The following TUSC3 variants were observed in gnomAD, a reference collection of about 807,000 sequenced individuals.
The protein encoded by TUSC3 is tumor suppressor candidate 3.
Under a neutral mutation model 44.8 loss-of-function variants are expected in TUSC3, and 45 were observed. That is an observed-to-expected ratio of 1.00 (90% CI 0.79 to 1.29). TUSC3 has a LOEUF of 1.29. Among genes scored for constraint, TUSC3 ranks in the 50% most tolerant of loss-of-function variants. TUSC3 has a pLI of 0.00. For missense variants in TUSC3, 519 were observed against 437.9 expected (o/e 1.19, Z -1.65); for synonymous variants, 212 against 152.9 (o/e 1.39, Z -2.85).
At chr8:15,769,901 G>T (rs192217057), downstream of TUSC3, among the ~76,000 whole-genome samples, 1 of 152,032 alleles carries the variant, frequency 6.6e-6, no homozygotes, top group East Asian at 1.9e-4. Context: ...GGCGATCATT[G>T]AAAAGGAAAC....
chr8:15,467,130 A>G (rs1474725807), intron 1 of TUSC3, among the ~76,000 whole-genome samples: 3 of 152,092 alleles, frequency 2.0e-5, no homozygotes, highest in Non-Finnish European at 4.4e-5. Context: ...CATAAATGTT[A>G]TTAAAATTAC....
At chr8:15,509,758 C>T (rs1258999212) in intron 2 of TUSC3, among the ~76,000 whole-genome samples, 1 of 152,208 alleles carries the variant, frequency 6.6e-6, no homozygotes, top group Admixed American at 6.5e-5. Flanking sequence ...GCTCATATTA[C>T]ATCCCTATCC....
intron 5 of TUSC3, among the ~76,000 whole-genome samples, chr8:15,671,217 G>A (rs1807935790): frequency 1.3e-5 from 2 of 152,084 alleles, no homozygotes; most frequent in South Asian, 4.1e-4. Context: ...TGTAGATTAT[G>A]ATTAGGAAGA....
At chr8:15,640,203 C>T (rs909681675) in intron 2 of TUSC3, among the ~76,000 whole-genome samples, 10 of 152,168 alleles carry the variant, frequency 6.6e-5, no homozygotes, top group Admixed American at 2.6e-4. Flanking sequence ...CATGACCAAC[C>T]TTCTTGGGCA....
chr8:15,624,555 A>C (rs1805403567), intron 2 of TUSC3, among the ~76,000 whole-genome samples: 1 of 152,162 alleles, frequency 6.6e-6, no homozygotes, highest in Non-Finnish European at 1.5e-5. Flanking sequence ...TTTCCCTATG[A>C]CTAATTGTGT....
chr8:15,835,946 T>C, the TUSC3 span, among the ~76,000 whole-genome samples: 1 of 152,160 alleles, frequency 6.6e-6, no homozygotes, highest in Non-Finnish European at 1.5e-5. Flanking sequence ...ACAGTGTATT[T>C]ATTTAGTGTA....
chr8:15,649,172 G>GT (rs1355654677), intron 2 of TUSC3, among the ~76,000 whole-genome samples: 1 of 152,088 alleles, frequency 6.6e-6, no homozygotes, highest in Non-Finnish European at 1.5e-5. Flanking sequence ...GTTTTGGGAA[G>GT]TTTTTAAGAA....
intron 7 of TUSC3, among the ~76,000 whole-genome samples, chr8:15,737,017 T>G (rs1028235250): frequency 6.6e-6 from 1 of 152,168 alleles, no homozygotes; most frequent in Non-Finnish European, 1.5e-5. Context: ...ACTAGCAATT[T>G]AAAATTTTTA....
chr8:15,593,540 T>C (rs577059680), intron 1 of TUSC3, among the ~76,000 whole-genome samples: 7 of 152,178 alleles, frequency 4.6e-5, no homozygotes, highest in African/African-American at 1.7e-4. Flanking sequence ...CTGAGTTCAT[T>C]GTTATTTTTT....
At chr8:15,707,595 T>C (rs1022182954) in intron 6 of TUSC3, among the ~76,000 whole-genome samples, 5 of 151,918 alleles carry the variant, frequency 3.3e-5, no homozygotes, top group African/African-American at 1.2e-4. Flanking sequence ...CAATCAAATA[T>C]AATGTTGAAT....
the TUSC3 span, among the ~76,000 whole-genome samples, chr8:15,796,010 A>G: frequency 6.6e-6 from 1 of 152,154 alleles, no homozygotes; most frequent in African/African-American, 2.4e-5. Context: ...GCTTCCAAGA[A>G]TGTGTTTGTG....
chr8:15,507,816 A>T (rs78748138), intron 2 of TUSC3, among the ~76,000 whole-genome samples: 2,463 of 152,226 alleles, frequency 0.016, 39 homozygotes, highest in East Asian at 0.074. Flanking sequence ...TAGTTAAATA[A>T]AAAAAAGGCA....
chr8:15,531,195 C>T (rs1585077929), intron 2 of TUSC3, among the ~76,000 whole-genome samples: 1 of 152,176 alleles, frequency 6.6e-6, no homozygotes, highest in Non-Finnish European at 1.5e-5. Context: ...GGGATTTGAC[C>T]TCCAAGCTGC....
At chr8:15,480,965 C>G (rs560937921) in intron 1 of TUSC3, among the ~76,000 whole-genome samples, 1 of 151,954 alleles carries the variant, frequency 6.6e-6, no homozygotes, top group East Asian at 1.9e-4. Context: ...AGAAGTGGGG[C>G]CTTCAGGCAA....
At chr8:15,584,156 T>C (rs1386035846) in intron 1 of TUSC3, among the ~76,000 whole-genome samples, 1 of 152,226 alleles carries the variant, frequency 6.6e-6, no homozygotes, top group African/African-American at 2.4e-5. Context: ...CTTAAGATTC[T>C]TAATTGTCAA....
At chr8:15,743,041 A>G (rs952601113) in intron 7 of TUSC3, among the ~76,000 whole-genome samples, 1 of 152,182 alleles carries the variant, frequency 6.6e-6, no homozygotes, top group Non-Finnish European at 1.5e-5. Flanking sequence ...CTGCTTTTGT[A>G]AGATTGTTAA....
chr8:15,481,779 A>G (rs1228192624), intron 1 of TUSC3, among the ~76,000 whole-genome samples: 1 of 152,218 alleles, frequency 6.6e-6, no homozygotes, highest in Non-Finnish European at 1.5e-5. Flanking sequence ...TCAGCAAATC[A>G]TAATCTTTTT....
chr8:15,602,660 A>ATT (rs138272818), intron 1 of TUSC3, among the ~76,000 whole-genome samples: 21,943 of 118,656 alleles, frequency 0.18, 1,631 homozygotes, highest in East Asian at 0.27. Flanking sequence ...AGATTAAAAT[A>ATT]TTTATATGTG....
Position 15,499,386 on chromosome 8 carries a change from T to G in TUSC3, n.189+15903T>G, listed in dbSNP as rs369260885. Among the ~76,000 whole-genome samples, 89 of 152,348 alleles carry G rather than the reference T, an allele frequency of 5.8e-4. 1 individual carries two copies. The South Asian group carries it at 0.017, about 29-fold the overall frequency. ...ATCATCAAATCAAATCTAGAACTTT[T>G]GCATTATCTCAGAAAATTCTATCAT... On this transcript the variant is annotated intron_variant and non_coding_transcript_variant, in intron 2 of 5. Transcript: ENST00000503191.
Sources: allele counts gnomAD v4.1 joint callset (sites outside exome capture counted in the v4.1 genomes callset), GRCh38; gene constraint gnomAD v4.1.1; transcripts MANE v1.5; gene names NCBI Gene and HGNC (gene_info 2026-07-23, HGNC 2026-07-21).